TMCC3: variants seen among roughly 807,000 people sequenced by gnomAD.
TMCC3 encodes transmembrane and coiled-coil domain protein 3.
Under a neutral mutation model 40.2 loss-of-function variants are expected in TMCC3, and 28 were observed. That is an observed-to-expected ratio of 0.70 (90% CI 0.52 to 0.95). TMCC3 has a LOEUF of 0.95. TMCC3 is among the 40% of genes least tolerant of loss of function. The probability of loss-of-function intolerance (pLI) is 0.00; values close to 1 mark genes in which losing one functional copy is unlikely to be tolerated. For missense variants in TMCC3, 554 were observed against 615.2 expected (o/e 0.90, Z 1.05); for synonymous variants, 255 against 248.5 (o/e 1.03, Z -0.25).
At chr12:94,631,744 A>T (rs1284654092) in intron 1 of TMCC3, among the ~76,000 whole-genome samples, 2 of 152,230 alleles carry the variant, frequency 1.3e-5, no homozygotes, top group African/African-American at 2.4e-5. Flanking sequence ...TTAATGTATA[A>T]CCTTTTCTAT....
intron 1 of TMCC3, among the ~76,000 whole-genome samples, chr12:94,619,347 C>G (rs2068863434): frequency 6.6e-6 from 1 of 152,220 alleles, no homozygotes; most frequent in African/African-American, 2.4e-5. Context: ...AGATCAGGAC[C>G]TGCAACCTAT....
chr12:94,629,958 T>C (rs893689500), intron 1 of TMCC3, among the ~76,000 whole-genome samples: 14 of 152,210 alleles, frequency 9.2e-5, no homozygotes, highest in Non-Finnish European at 5.9e-5. Context: ...AAAATATGCT[T>C]GTTTTACAAA....
In TMCC3 at chr12:94,578,465, G is replaced by A; in HGVS notation, c.1060C>T (p.Leu354=). Residue 354 remains leucine (L), a synonymous_variant, in exon 3 of 4, where the codon CTG becomes TTG. Coordinates refer to ENST00000261226, the MANE Select transcript of TMCC3 (RefSeq NM_020698.4). ...TDLHQHETAN[L]KQELASIEEK... is the part of the protein sequence containing the mutation. ...TCAATGCTGGCCAGCTCCTGCTTCA[G>A]GTTGGCTGTCTCATGCTGATGCAGG... 3 of 1,614,202 alleles carry A rather than the reference G, an allele frequency of 1.9e-6. No individual in the cohort carries two copies. The highest frequency in any genetic ancestry group is 2.5e-6 in the Non-Finnish European group (3 of 1,180,036).
intron 1 of TMCC3, among the ~76,000 whole-genome samples, chr12:94,627,473 G>T (rs1178772050): frequency 3.3e-5 from 5 of 152,128 alleles, no homozygotes; most frequent in African/African-American, 1.2e-4. Flanking sequence ...CAGCCCGGGA[G>T]ATCCTTGCAA....
At chr12:94,576,383 T>C (rs1198120405) in intron 3 of TMCC3, among the ~76,000 whole-genome samples, 2 of 152,218 alleles carry the variant, frequency 1.3e-5, no homozygotes, top group African/African-American at 4.8e-5. Context: ...CCTTGTAAAG[T>C]GGGGCTTGGA....
At chr12:94,617,848 C>G (rs1008886955) in intron 1 of TMCC3, among the ~76,000 whole-genome samples, 1 of 152,278 alleles carries the variant, frequency 6.6e-6, no homozygotes, top group Non-Finnish European at 1.5e-5. Context: ...AAAGGCTAGT[C>G]AAAGCCTACT....
chr12:94,613,683 A>G (rs76521177), intron 1 of TMCC3, among the ~76,000 whole-genome samples: 11,105 of 152,210 alleles, frequency 0.073, 424 homozygotes, highest in South Asian at 0.15. Flanking sequence ...CAATCAGGGA[A>G]GGTCACAGGG....
intron 1 of TMCC3, among the ~76,000 whole-genome samples, chr12:94,607,279 T>G (rs1014759411): frequency 2.1e-5 from 3 of 140,820 alleles, no homozygotes; most frequent in Non-Finnish European, 3.0e-5. Context: ...GATTTCATAT[T>G]GTTCAAACAC....
At chr12:94,626,137 A>G (rs2068903142) in intron 1 of TMCC3, among the ~76,000 whole-genome samples, 1 of 152,192 alleles carries the variant, frequency 6.6e-6, no homozygotes, top group Non-Finnish European at 1.5e-5. Flanking sequence ...AAAAACTACC[A>G]TTTATAAAAC....
chr12:94,606,908 G>A (rs940979333), intron 1 of TMCC3, among the ~76,000 whole-genome samples: 3 of 152,162 alleles, frequency 2.0e-5, no homozygotes, highest in Admixed American at 6.5e-5. Context: ...CAGGAAACAG[G>A]TGAGAGCAGA....
intron 1 of TMCC3, among the ~76,000 whole-genome samples, chr12:94,630,969 T>C (rs2068930384): frequency 6.6e-6 from 1 of 152,194 alleles, no homozygotes; most frequent in African/African-American, 2.4e-5. Context: ...CCTCAAGTGA[T>C]CTGCCCACCT....
At chr12:94,640,837 T>G (rs1472607921) in intron 1 of TMCC3, among the ~76,000 whole-genome samples, 3 of 152,166 alleles carry the variant, frequency 2.0e-5, no homozygotes, top group Non-Finnish European at 4.4e-5. Flanking sequence ...GTTGCTCAAA[T>G]CCAGAGGTAA....
intron 1 of TMCC3, among the ~76,000 whole-genome samples, chr12:94,582,942 C>T (rs1353164113): frequency 6.8e-6 from 1 of 147,370 alleles, no homozygotes; most frequent in Non-Finnish European, 1.5e-5. Flanking sequence ...ACTCAGAACT[C>T]ACTCACTTAA....
In TMCC3 at chr12:94,568,105, C is replaced by T. The variant is rs911378324; in HGVS notation, c.*3330G>A. On this transcript the variant is annotated 3_prime_UTR_variant, in exon 4 of 4. Transcript: ENST00000261226. ...CAGCCTCACCGGCTGAAATGAAAGACGGAGTTTCGGAAGATTTCCTTCTGT... is the reference window on the plus strand; with the variant it reads ...CAGCCTCACCGGCTGAAATGAAAGATGGAGTTTCGGAAGATTTCCTTCTGT... The T allele has an allele frequency of 1.3e-5, 2 of 152,108 alleles. No individual in the cohort carries two copies. Among genetic ancestry groups the T allele is most frequent in the South Asian group, 2.1e-4 (1 of 4,816 alleles). The allele number at this position is 152,108 out of a possible 1,614,324, so 9.4% of individuals were successfully genotyped here.
Position 94,588,736 on chromosome 12 carries a change from G to A in TMCC3, c.79-6198C>T, listed in dbSNP as rs532406080. ...AGCTGAACTCTATTTCAGGTCTAAA[G>A]TCTAGGCCAACCTTGTCCAATCCAC... On this transcript the variant is annotated intron_variant, in intron 1 of 3. Coordinates refer to ENST00000261226, the MANE Select transcript of TMCC3 (RefSeq NM_020698.4). 2.6e-5 allele frequency among the ~76,000 whole-genome samples: 4 copies of A among 152,206 alleles called. No homozygotes were observed. The East Asian group carries it at 5.8e-4, about 22-fold the overall frequency.
At chr12:94,604,472 T>C (rs888343020) in intron 1 of TMCC3, among the ~76,000 whole-genome samples, 1 of 152,014 alleles carries the variant, frequency 6.6e-6, no homozygotes, top group African/African-American at 2.4e-5. Flanking sequence ...AGCTCTGCCC[T>C]AAGAGGTCAC....
chr12:94,618,321 T>G (rs936223104), intron 1 of TMCC3, among the ~76,000 whole-genome samples: 1 of 152,214 alleles, frequency 6.6e-6, no homozygotes, highest in Non-Finnish European at 1.5e-5. Flanking sequence ...TCAGGATCAC[T>G]TCTTCCTTCC....
At chr12:94,611,535 T>C (rs2068815717) in intron 1 of TMCC3, among the ~76,000 whole-genome samples, 1 of 152,092 alleles carries the variant, frequency 6.6e-6, no homozygotes. Context: ...ACCATGGCAG[T>C]GTATGATAGG....
chr12:94,578,165 A>AAAAAAAAAAAAAAAG (rs1467855760), intron 3 of TMCC3, among the ~76,000 whole-genome samples: 78 of 123,338 alleles, frequency 6.3e-4, no homozygotes, highest in African/African-American at 9.1e-4. Context: ...AAAAAAAAAA[A>AAAAAAAAAAAAAAAG]AAAGAAAAAG....
Sources: allele counts gnomAD v4.1 joint callset (sites outside exome capture counted in the v4.1 genomes callset), GRCh38; gene constraint gnomAD v4.1.1; transcripts MANE v1.5; gene names NCBI Gene and HGNC (gene_info 2026-07-23, HGNC 2026-07-21).